Variants in NBEA observed in about 807,000 individuals in gnomAD.
The protein encoded by NBEA is neurobeachin, also known as lysosomal-trafficking regulator 2.
NBEA carries 44 observed loss-of-function variants against 343.4 expected under a neutral mutation model. The ratio of observed to expected loss-of-function variants is 0.13; its 90% CI spans 0.10 to 0.16. NBEA has a LOEUF of 0.16. Among genes scored for constraint, NBEA ranks in the 10% least tolerant of loss-of-function variants. NBEA has a pLI of 1.00. For missense variants in NBEA, 2,555 were observed against 3,631.3 expected (o/e 0.70, Z 7.62); for synonymous variants, 1,175 against 1,238.7 (o/e 0.95, Z 1.08).
At chr13:35,418,033 G>C (rs1263403037) in intron 38 of NBEA, among the ~76,000 whole-genome samples, 1 of 152,112 alleles carries the variant, frequency 6.6e-6, no homozygotes, top group Non-Finnish European at 1.5e-5. Flanking sequence ...TTGGTTTAAA[G>C]TCTGTTTTAT....
intron 34 of NBEA, among the ~76,000 whole-genome samples, chr13:35,284,025 G>C (rs1048327437): frequency 7.0e-6 from 1 of 143,042 alleles, no homozygotes; most frequent in Non-Finnish European, 1.6e-5. Flanking sequence ...CCACACAGAT[G>C]CATGTACACA....
At chr13:35,568,202 T>TTA (rs1390513224) in intron 45 of NBEA, among the ~76,000 whole-genome samples, 2 of 152,180 alleles carry the variant, frequency 1.3e-5, no homozygotes, top group Non-Finnish European at 2.9e-5. Flanking sequence ...TTTCATGTTC[T>TTA]TATGCGTCAT....
chr13:35,503,084 A>G (rs2076947706), intron 41 of NBEA, among the ~76,000 whole-genome samples: 1 of 152,026 alleles, frequency 6.6e-6, no homozygotes, highest in Admixed American at 6.6e-5. Flanking sequence ...TCGAAGGTAT[A>G]TTTTTAAACT....
rs574236035 is a variant in NBEA, at chr13:35,559,280, T to C, written c.6922+4178T>C. ...CAAATCACCCTTCAGAGTTCTCTTA[T>C]GATCCTAAAATAAAGGGTGCTCTAA... On this transcript the variant is annotated intron_variant, in intron 44 of 58. Transcript: ENST00000379939. Among the ~76,000 whole-genome samples, 3 of 152,332 alleles carry C rather than the reference T, an allele frequency of 2.0e-5. No homozygotes were observed. In the South Asian group the frequency reaches 6.2e-4, roughly 32 times the overall value.
chr13:35,513,467 A>G (rs1473349330), intron 41 of NBEA, among the ~76,000 whole-genome samples: 3 of 151,502 alleles, frequency 2.0e-5, no homozygotes, highest in Non-Finnish European at 4.4e-5. Flanking sequence ...TTCTTTTTCA[A>G]CATTGCCTGT....
chr13:35,041,144 C>A lies in NBEA; in HGVS notation c.506C>A (p.Ala169Asp). Residue 169 changes from alanine to aspartate, a missense_variant, in exon 2 of 59, where the codon GCT becomes GAT. Ala to Asp is a moderately radical substitution (Grantham distance 126). Coordinates refer to ENST00000379939, the MANE Select transcript of NBEA (RefSeq NM_001385012.1). ...GAACAAGTATTGCTGAAAATGAGTG[C>A]TGTAGATGACATGATAGCAGGTATG... Reference protein sequence around the residue: ...LIEQVLLKMSAVDDMIADLLV... With the variant: ...LIEQVLLKMSDVDDMIADLLV... 1 of 1,611,522 alleles carries A rather than the reference C, an allele frequency of 6.2e-7. No homozygotes were observed. The highest frequency in any genetic ancestry group is 1.1e-5 in the South Asian group (1 of 90,974).
intron 36 of NBEA, among the ~76,000 whole-genome samples, chr13:35,314,756 A>G (rs9593084): frequency 0.019 from 2,860 of 152,244 alleles, 80 homozygotes; most frequent in African/African-American, 0.066. Flanking sequence ...AATATATATG[A>G]TATTTATTAC....
chr13:35,505,366 TA>T (rs1427588962), intron 41 of NBEA, among the ~76,000 whole-genome samples: 2 of 152,204 alleles, frequency 1.3e-5, no homozygotes, highest in Non-Finnish European at 2.9e-5. Context: ...GCAGTTAATG[TA>T]AAACTTAGTT....
At position 35,191,023 on chromosome 13, in the gene NBEA, G is replaced by A. The variant is rs138378175; in HGVS notation, c.4928-4841G>A. On this transcript the variant is annotated intron_variant, in intron 30 of 58. Transcript: ENST00000379939. ...TGAAAAATTCACTTAGAGGGGTTCA[G>A]CAGAAGATCTGAGCTGGCAGGAAAA... is the stretch of plus-strand genomic sequence containing the variant. Among the ~76,000 whole-genome samples, 256 of 152,250 alleles carry A rather than the reference G, an allele frequency of 1.7e-3. 1 individual carries two copies. Among genetic ancestry groups the A allele is most frequent in the African/African-American group, 5.9e-3 (246 of 41,572 alleles).
intron 13 of NBEA, among the ~76,000 whole-genome samples, chr13:35,113,639 A>G (rs546923728): frequency 2.9e-5 from 4 of 137,732 alleles, no homozygotes; most frequent in East Asian, 2.2e-4. Flanking sequence ...CTGTCTGTCT[A>G]TCATCTTTTA....
intron 38 of NBEA, among the ~76,000 whole-genome samples, chr13:35,388,192 G>T (rs1264995221): frequency 1.3e-5 from 2 of 151,956 alleles, no homozygotes; most frequent in Non-Finnish European, 2.9e-5. Flanking sequence ...AAAGAGAGAT[G>T]GCCAAATCTT....
At position 35,646,251 on chromosome 13, in the gene NBEA, C is replaced by T. The variant is rs2084228484; in HGVS notation, c.7681-8C>T. ...TTGATTATGACAATCACCCTCCTTCCCCTGCAGGCCATGGAGGCACAGATA... is the reference window on the plus strand; with the variant it reads ...TTGATTATGACAATCACCCTCCTTCTCCTGCAGGCCATGGAGGCACAGATA... On this transcript the variant is annotated splice_region_variant and splice_polypyrimidine_tract_variant and intron_variant, in intron 50 of 58. Coordinates refer to ENST00000379939, the MANE Select transcript of NBEA (RefSeq NM_001385012.1). The T allele has an allele frequency of 1.2e-6, 2 of 1,601,592 alleles. No homozygotes were observed. The highest frequency in any genetic ancestry group is 3.3e-5 in the Admixed American group (2 of 59,856).
chr13:35,184,194 ATATGTTGTATT>A, intron 30 of NBEA, 123 bp downstream of exon 30: 1 of 628,248 alleles, frequency 1.6e-6, no homozygotes. Flanking sequence ...TGGAGATATG[ATATGTTGTATT>A]TATACCTAGC....
chr13:35,616,359 C>G (rs1372813328), intron 48 of NBEA, among the ~76,000 whole-genome samples: 1 of 152,116 alleles, frequency 6.6e-6, no homozygotes, highest in Non-Finnish European at 1.5e-5. Context: ...TATAAAGAAA[C>G]TTTGGAATAT....
intron 38 of NBEA, among the ~76,000 whole-genome samples, chr13:35,370,173 G>C (rs1023656743): frequency 6.6e-6 from 1 of 151,830 alleles, no homozygotes; most frequent in Admixed American, 6.6e-5. Context: ...GCTCCCTTTA[G>C]ATAGAATAAT....
chr13:35,397,693 A>T (rs2042811598), intron 38 of NBEA, among the ~76,000 whole-genome samples: 1 of 152,166 alleles, frequency 6.6e-6, no homozygotes, highest in African/African-American at 2.4e-5. Flanking sequence ...AGTCACATGA[A>T]TTTTTTGGTT....
chr13:35,621,519 A>G (rs576370384), intron 48 of NBEA, among the ~76,000 whole-genome samples: 3 of 152,250 alleles, frequency 2.0e-5, no homozygotes, highest in South Asian at 4.2e-4. Context: ...CACACCCTGT[A>G]TCTTACTAAT....
intron 41 of NBEA, among the ~76,000 whole-genome samples, chr13:35,480,545 AT>A (rs1374607276): frequency 2.6e-5 from 4 of 152,000 alleles, no homozygotes; most frequent in African/African-American, 7.2e-5. Context: ...TTAAAGTTTT[AT>A]TTTTTTAATA....
At chr13:35,446,979 T>C (rs1164360257) in intron 39 of NBEA, among the ~76,000 whole-genome samples, 1 of 152,152 alleles carries the variant, frequency 6.6e-6, no homozygotes, top group Non-Finnish European at 1.5e-5. Context: ...GCCACACATA[T>C]GATTTATAGC....
Sources: gnomAD v4.1 joint callset for allele counts (sites outside exome capture counted in the v4.1 genomes callset) on GRCh38, gnomAD v4.1.1 for gene constraint, MANE v1.5 for transcripts, NCBI Gene and HGNC (gene_info 2026-07-23, HGNC 2026-07-21) for gene names.